The following CENPM variants were observed in gnomAD, a reference collection of about 807,000 sequenced individuals.
CENPM encodes interphase centromere complex protein 39.
Under a neutral mutation model 19.6 loss-of-function variants are expected in CENPM, and 14 were observed. The observed-to-expected ratio is 0.71, with a 90% CI of 0.47 to 1.11. CENPM has a LOEUF of 1.11. Ranked by LOEUF, CENPM falls within the 50% of genes most tolerant of loss-of-function variation. The pLI, the probability that CENPM is intolerant of heterozygous loss-of-function variation, is 0.00. For missense variants in CENPM, 239 were observed against 228.4 expected, an observed-to-expected ratio of 1.05 and a Z score of -0.30; for synonymous variants, 114 against 101.5, an observed-to-expected ratio of 1.12 and a Z score of -0.74.
chr22:41,928,068 G>A, the CENPM span: 1 of 288,234 alleles, frequency 3.5e-6, no homozygotes, highest in Non-Finnish European at 7.1e-6. This position sits in a 1 kb window ranked among gnomAD's most constrained non-coding sequence, Gnocchi z 4.0. Flanking sequence ...GGGACCGAAA[G>A]GCTGGACTGG....
intron 5 of CENPM, among the ~76,000 whole-genome samples, chr22:41,939,776 AAAAAAGAAAG>A (rs1219194467): frequency 2.2e-4 from 4 of 17,992 alleles, no homozygotes; most frequent in African/African-American, 6.2e-4. Context: ...TGTCTGTCTC[AAAAAAGAAAG>A]AAAAAGAAAG....
downstream of CENPM, among the ~76,000 whole-genome samples, chr22:41,936,770 A>C (rs971108623): frequency 7.9e-5 from 12 of 152,208 alleles, no homozygotes; most frequent in African/African-American, 2.9e-4. Context: ...TCTACTAAAA[A>C]TACAAAAATT....
downstream of CENPM, among the ~76,000 whole-genome samples, chr22:41,933,883 C>A (rs555563676): frequency 6.6e-6 from 1 of 152,212 alleles, no homozygotes; most frequent in African/African-American, 2.4e-5. Context: ...AAGAACCCCA[C>A]GGCTCTCCTC....
At chr22:41,946,994 G>C in intron 1 of CENPM, 26 bp downstream of exon 1, 1 of 1,611,602 alleles carries the variant, frequency 6.2e-7, no homozygotes, top group South Asian at 1.1e-5. Flanking sequence ...AAAACCGGCG[G>C]GGGAAGCAGG....
intron 5 of CENPM, chr22:41,940,339 G>A (rs2077728328): frequency 1.7e-6 from 1 of 579,614 alleles, no homozygotes; most frequent in Non-Finnish European, 3.1e-6. Flanking sequence ...CCACTTTCCA[G>A]CACGTCATTT....
chr22:41,940,225 C>A (rs2077727031), intron 5 of CENPM: 1 of 736,478 alleles, frequency 1.4e-6, no homozygotes, highest in Non-Finnish European at 2.5e-6. Flanking sequence ...TGCCTGCCTA[C>A]TTCCTTCAGG....
At chr22:41,944,172 G>A (rs1168227883) in intron 4 of CENPM, 7 of 984,264 alleles carry the variant, frequency 7.1e-6, no homozygotes, top group Admixed American at 1.2e-4. Flanking sequence ...GGCCGGGTGC[G>A]GTGGCTCAGG....
chr22:41,935,024 C>T (rs1209240598), downstream of CENPM, among the ~76,000 whole-genome samples: 1 of 152,260 alleles, frequency 6.6e-6, no homozygotes, highest in Non-Finnish European at 1.5e-5. Flanking sequence ...ACCTGCCTGC[C>T]ATTTAAGTGT....
chr22:41,932,347 TG>T, the CENPM span, among the ~76,000 whole-genome samples: 1 of 151,912 alleles, frequency 6.6e-6, no homozygotes, highest in Non-Finnish European at 1.5e-5. The surrounding 1 kb of genome is among the most constrained non-coding windows in gnomAD (Gnocchi z 4.3). Flanking sequence ...GAGGGCAGAG[TG>T]GCCACGGAAT....
intron 4 of CENPM, chr22:41,944,806 C>G: frequency 3.0e-6 from 3 of 1,010,880 alleles, no homozygotes; most frequent in South Asian, 8.0e-5. Flanking sequence ...TGGATTTTAC[C>G]GAAAGCCACA....
At chr22:41,931,741 T>G in the CENPM span, among the ~76,000 whole-genome samples, 1 of 151,854 alleles carries the variant, frequency 6.6e-6, no homozygotes, top group African/African-American at 2.4e-5. Flanking sequence ...CCCTACATGC[T>G]TCAGGGACGG....
At chr22:41,943,364 C>G (rs2077760154) in intron 5 of CENPM, among the ~76,000 whole-genome samples, 1 of 152,176 alleles carries the variant, frequency 6.6e-6, no homozygotes, top group Non-Finnish European at 1.5e-5. Context: ...AAGATGCACT[C>G]CAGATGAAAG....
chr22:41,940,015 T>G, intron 5 of CENPM: 1 of 633,558 alleles, frequency 1.6e-6, no homozygotes, highest in Non-Finnish European at 2.9e-6. Flanking sequence ...CATCCCTCCC[T>G]GGCCCCAAGC....
the CENPM span, among the ~76,000 whole-genome samples, chr22:41,931,885 T>C: frequency 1.3e-5 from 2 of 152,206 alleles, no homozygotes; most frequent in Non-Finnish European, 2.9e-5. Flanking sequence ...CACTCTGTAC[T>C]TCAAAATCAG....
Position 41,938,853 on chromosome 22 carries a change from A to C in CENPM, c.*203T>G. 5.4e-6 allele frequency: 3 copies of C among 555,898 alleles called. No homozygotes were observed. Among genetic ancestry groups the C allele is most frequent in the Non-Finnish European group, 9.5e-6 (3 of 317,258 alleles). The allele number at this position is 555,898 out of a possible 1,614,324, so 34.4% of individuals were successfully genotyped here. The stretch of plus-strand genomic sequence containing the variant: ...CTGCAAGAGTGAGTGTGGGAGTGGG[A>C]GGGGGCTACAGTCTCGCCAGCTGGG... On this transcript the variant is annotated 3_prime_UTR_variant, in exon 6 of 6. Transcript: ENST00000215980.
intron 5 of CENPM, among the ~76,000 whole-genome samples, chr22:41,939,850 AAGAAAGAAAG>A (rs1451919565): frequency 2.2e-4 from 7 of 31,390 alleles, no homozygotes; most frequent in African/African-American, 8.4e-4. Flanking sequence ...AAAAGAAAGA[AAGAAAGAAAG>A]AAAGAAAGAA....
rs769546439 is a variant in CENPM at position 41,947,091 on chromosome 22, C to T, written c.-15G>A. 5.0e-6 allele frequency: 8 copies of T among 1,612,592 alleles called. No homozygotes were observed. The highest frequency in any genetic ancestry group is 1.3e-5 in the African/African-American group (1 of 75,050). On this transcript the variant is annotated 5_prime_UTR_variant, in exon 1 of 6. Transcript: ENST00000215980. Reference sequence around the variant, plus strand: ...AACACCGACATCACAGCCGCAGGACCAACCGTTGCTCCTGCGGTGCGCGCC... The same window carrying T: ...AACACCGACATCACAGCCGCAGGACTAACCGTTGCTCCTGCGGTGCGCGCC...
intron 2 of CENPM, 31 bp downstream of exon 2, chr22:41,946,386 G>A (rs1386282384): frequency 1.9e-6 from 3 of 1,590,742 alleles, no homozygotes; most frequent in Non-Finnish European, 2.6e-6. Flanking sequence ...TGAGAGACAC[G>A]TGGGCCCAGG....
intron 4 of CENPM, chr22:41,944,161 C>T (rs1029033211): frequency 6.1e-6 from 6 of 985,104 alleles, no homozygotes; most frequent in African/African-American, 1.7e-5. Context: ...AAAAAGAGGA[C>T]GGCCGGGTGC....
Sources: gnomAD v4.1 joint callset for allele counts (sites outside exome capture counted in the v4.1 genomes callset) on GRCh38, gnomAD v4.1.1 for gene constraint, Gnocchi (gnomAD v3.1) non-coding constraint, MANE v1.5 for transcripts, NCBI Gene and HGNC (gene_info 2026-07-23, HGNC 2026-07-21) for gene names.